SUCLA2: variants seen among roughly 807,000 people sequenced by gnomAD.
The protein encoded by SUCLA2 is succinate--CoA ligase [ADP-forming] subunit beta, mitochondrial.
SUCLA2 carries 30 observed loss-of-function variants against 54.8 expected under a neutral mutation model. The observed-to-expected ratio is 0.55, with a 90% CI of 0.41 to 0.74. The LOEUF is 0.74. SUCLA2 is among the 30% of genes least tolerant of loss of function. SUCLA2 has a pLI of 0.00. For synonymous variants in SUCLA2, 172 were observed against 188.9 expected, an observed-to-expected ratio of 0.91 and a Z score of 0.74; for missense variants, 476 against 562.9, an observed-to-expected ratio of 0.85 and a Z score of 1.56.
At chr13:47,979,587 G>A (rs1950045391) in intron 4 of SUCLA2, among the ~76,000 whole-genome samples, 1 of 152,110 alleles carries the variant, frequency 6.6e-6, no homozygotes, top group Non-Finnish European at 1.5e-5. Flanking sequence ...GTATACCTAT[G>A]TAACAAACCT....
chr13:47,982,687 ATT>A (rs61446213), intron 4 of SUCLA2, among the ~76,000 whole-genome samples: 4,082 of 146,296 alleles, frequency 0.028, 187 homozygotes, highest in African/African-American at 0.096. Flanking sequence ...GGTAAGGTAA[ATT>A]TTTTGTTATA....
chr13:47,972,123 C>T (rs893266162), intron 5 of SUCLA2: 4 of 336,316 alleles, frequency 1.2e-5, no homozygotes, highest in Non-Finnish European at 2.1e-5. Flanking sequence ...GGCATGGTGA[C>T]GTGCGCCTGT....
intron 7 of SUCLA2, 47 bp downstream of exon 7, chr13:47,954,349 C>G: frequency 6.2e-7 from 1 of 1,613,658 alleles, no homozygotes; most frequent in Non-Finnish European, 8.5e-7. Context: ...TTAGTAAATC[C>G]AAATTAAACT....
chr13:47,988,890 T>C lies in SUCLA2; in HGVS notation c.363A>G (p.Ile121Met), dbSNP rs1187764033. ...TAAAAAATGTGACTTACGAGAAAAC[T>C]ATCTTCACTCCTCCTTTGAGGCCAC... ...FESGLKGGVKIVFSPEEAKAV... is the reference protein window; with the variant it reads ...FESGLKGGVKMVFSPEEAKAV... The change falls in exon 3 of 11, where the codon ATA becomes ATG. Residue 121 changes from isoleucine (I) to methionine (M), a missense_variant. Transcript: ENST00000646932. 6.2e-7 allele frequency: 1 copy of C among 1,612,588 alleles called. No homozygotes were observed. The highest frequency in any genetic ancestry group is 1.1e-5 in the South Asian group (1 of 91,030).
intron 6 of SUCLA2, among the ~76,000 whole-genome samples, chr13:47,966,525 T>TAA (rs372783186): frequency 0.16 from 22,926 of 141,180 alleles, 2,101 homozygotes; most frequent in Non-Finnish European, 0.2. Context: ...TTGCCGTTTT[T>TAA]AAAAAAAAAA....
intron 5 of SUCLA2, chr13:47,971,780 C>T (rs1259267050): frequency 5.0e-6 from 2 of 397,518 alleles, no homozygotes; most frequent in African/African-American, 4.1e-5. Flanking sequence ...ATAAAGGGGA[C>T]ACAGGAATAT....
chr13:47,959,329 T>A (rs1360045406), intron 6 of SUCLA2, among the ~76,000 whole-genome samples: 1 of 151,988 alleles, frequency 6.6e-6, no homozygotes, highest in Non-Finnish European at 1.5e-5. Context: ...AGGAAGGTTA[T>A]AAAGATAATA....
intron 1 of SUCLA2, among the ~76,000 whole-genome samples, chr13:47,998,449 G>C (rs909817126): frequency 1.2e-4 from 18 of 152,018 alleles, no homozygotes; most frequent in African/African-American, 4.4e-4. Context: ...AAAATGTCTA[G>C]AGTGTCCAGA....
At chr13:47,994,936 G>A in intron 2 of SUCLA2, 1 of 791,874 alleles carries the variant, frequency 1.3e-6, no homozygotes. Context: ...AATCAAAACA[G>A]ATTGGCATCT....
At position 47,954,570 on chromosome 13, in the gene SUCLA2, A is replaced by C; in HGVS notation, c.803-13T>G. ...TCCATACACAATACTTTGAAGGGAA[A>C]AAGAGAAAAATGACCTTAATTTCAA... On this transcript the variant is annotated splice_polypyrimidine_tract_variant and intron_variant, in intron 6 of 10. Transcript: ENST00000646932. 6.2e-7 allele frequency: 1 copy of C among 1,612,656 alleles called. No homozygotes were observed.
chr13:47,997,979 A>C (rs1182133499), intron 1 of SUCLA2, among the ~76,000 whole-genome samples: 2 of 152,236 alleles, frequency 1.3e-5, no homozygotes, highest in Non-Finnish European at 2.9e-5. Flanking sequence ...AGAACCCTAC[A>C]GTTATGAGAA....
Position 47,954,215 on chromosome 13 carries a change from G to A in SUCLA2, c.1032C>T (p.Asn344=). Residue 344 remains asparagine, a synonymous_variant, in exon 8 of 11, where the codon AAC becomes AAT. Coordinates refer to ENST00000646932, the MANE Select transcript of SUCLA2 (RefSeq NM_003850.3). ...IIKLHGGTPA[N]FLDVGGGATV... ...TAGCACCACCACCAACATCAAGGAA[G>A]TTGGCTGGAGTCCCTCCATGAAGTT... 2 of 1,613,918 alleles carry A rather than the reference G, an allele frequency of 1.2e-6. No homozygotes were observed. Among genetic ancestry groups the A allele is most frequent in the Non-Finnish European group, 1.7e-6 (2 of 1,179,860 alleles).
At chr13:47,984,259 T>C (rs1023545596) in intron 4 of SUCLA2, among the ~76,000 whole-genome samples, 1 of 151,836 alleles carries the variant, frequency 6.6e-6, no homozygotes, top group Non-Finnish European at 1.5e-5. Context: ...AGTGGTGCAA[T>C]CTCGGCTCAC....
In SUCLA2 at chr13:47,997,033, T is replaced by C. The variant is rs754813556; in HGVS notation, c.91-10A>G. 3.7e-6 allele frequency: 6 copies of C among 1,614,030 alleles called. No homozygotes were observed. Among genetic ancestry groups the C allele is most frequent in the South Asian group, 1.1e-5 (1 of 91,086 alleles). On this transcript the variant is annotated splice_polypyrimidine_tract_variant and intron_variant, in intron 1 of 10. Coordinates refer to ENST00000646932, the MANE Select transcript of SUCLA2 (RefSeq NM_003850.3). Reference sequence around the variant, plus strand: ...CAGAACTTCCCAGAACCTAGAAAGATTGGGGACATATTTATATATGACAGT... The same window carrying C: ...CAGAACTTCCCAGAACCTAGAAAGACTGGGGACATATTTATATATGACAGT...
At chr13:47,972,326 T>C (rs928618871) in intron 5 of SUCLA2, among the ~76,000 whole-genome samples, 1 of 151,388 alleles carries the variant, frequency 6.6e-6, no homozygotes, top group Non-Finnish European at 1.5e-5. Context: ...AAATGAAAAA[T>C]TGATTTGAAA....
At chr13:47,962,441 T>G (rs1350778167) in intron 6 of SUCLA2, among the ~76,000 whole-genome samples, 1 of 152,232 alleles carries the variant, frequency 6.6e-6, no homozygotes, top group Non-Finnish European at 1.5e-5. Flanking sequence ...AAAGCCAATT[T>G]GGAAGAATCT....
intron 4 of SUCLA2, among the ~76,000 whole-genome samples, chr13:47,979,896 A>G (rs1289626119): frequency 1.3e-5 from 2 of 152,056 alleles, no homozygotes; most frequent in African/African-American, 4.8e-5. Context: ...GCACACACAC[A>G]AAAAAAACTC....
chr13:47,944,899 G>T (rs560559436), intron 10 of SUCLA2, among the ~76,000 whole-genome samples: 2 of 152,166 alleles, frequency 1.3e-5, no homozygotes, highest in Admixed American at 1.3e-4. Context: ...GAGGTGGGAG[G>T]ATCATATGAG....
chr13:47,989,739 A>C (rs1950135487), intron 2 of SUCLA2, among the ~76,000 whole-genome samples: 1 of 152,106 alleles, frequency 6.6e-6, no homozygotes, highest in African/African-American at 2.4e-5. Context: ...GGAATATGTC[A>C]TGATTTGGGG....
Sources: allele counts gnomAD v4.1 joint callset (sites outside exome capture counted in the v4.1 genomes callset), GRCh38; gene constraint gnomAD v4.1.1; transcripts MANE v1.5; gene names NCBI Gene and HGNC (gene_info 2026-07-23, HGNC 2026-07-21).